Variants in RDX observed in about 807,000 individuals in gnomAD.
RDX encodes radixin.
RDX carries 32 observed loss-of-function variants against 83.7 expected under a neutral mutation model. The ratio of observed to expected loss-of-function variants is 0.38; its 90% CI spans 0.29 to 0.51. The LOEUF (loss-of-function observed/expected upper bound fraction) is 0.51. RDX is among the 20% of genes least tolerant of loss of function. RDX has a pLI of 0.87. For missense variants in RDX, 600 were observed against 689.9 expected, an observed-to-expected ratio of 0.87 and a Z score of 1.46; for synonymous variants, 229 against 222.7, an observed-to-expected ratio of 1.03 and a Z score of -0.25.
At chr11:110,222,813 G>A (rs1864297417) in intron 14 of RDX, among the ~76,000 whole-genome samples, 1 of 151,688 alleles carries the variant, frequency 6.6e-6, no homozygotes, top group East Asian at 1.9e-4. Context: ...ATAAATGAAT[G>A]AATGAATGAA....
intron 1 of RDX, among the ~76,000 whole-genome samples, chr11:110,289,261 AC>A (rs1244930913): frequency 4.0e-5 from 6 of 150,578 alleles, no homozygotes; most frequent in Non-Finnish European, 7.4e-5. Context: ...AAAAAAAAAA[AC>A]TTTTTACAAC....
intron 1 of RDX, among the ~76,000 whole-genome samples, chr11:110,290,841 C>T (rs1246344055): frequency 6.8e-6 from 1 of 147,728 alleles, no homozygotes; most frequent in Non-Finnish European, 1.5e-5. Context: ...TTTATAAAAA[C>T]AGGCAGTAGG....
chr11:110,208,619 G>A (rs1432896966), intron 14 of RDX, among the ~76,000 whole-genome samples: 1 of 152,108 alleles, frequency 6.6e-6, no homozygotes, highest in African/African-American at 2.4e-5. Flanking sequence ...TATTTCTTGA[G>A]CACAGACTCT....
At chr11:110,290,884 G>C (rs761112161) in intron 1 of RDX, among the ~76,000 whole-genome samples, 1 of 152,182 alleles carries the variant, frequency 6.6e-6, no homozygotes, top group Non-Finnish European at 1.5e-5. Context: ...AATTTGCCAA[G>C]TATTTTAACA....
intron 15 of RDX, among the ~76,000 whole-genome samples, chr11:110,180,986 G>C (rs1048714830): frequency 6.6e-6 from 1 of 152,014 alleles, no homozygotes; most frequent in African/African-American, 2.4e-5. Context: ...ATGAAGGCAG[G>C]GCCTTGGTTG....
chr11:110,255,498 T>C (rs1366924839), intron 7 of RDX, 113 bp from the exon 8 acceptor site: 1 of 676,502 alleles, frequency 1.5e-6, no homozygotes, highest in Non-Finnish European at 2.7e-6. Context: ...ATTTTCAAAA[T>C]GTATTAACTT....
rs572431088 is a variant in RDX, at chr11:110,279,768, A to G, written c.-64-12T>C. On this transcript the variant is annotated splice_polypyrimidine_tract_variant and intron_variant, in intron 1 of 13. Coordinates refer to ENST00000645495, the MANE Select transcript of RDX (RefSeq NM_002906.4). ...TCTGTTATCACTTTCTGTTAAAAAA[A>G]AAAAAGCATAATCTATTATCTTTTT... The G allele has an allele frequency of 1.1e-6, 1 of 880,988 alleles. No homozygotes were observed. Among genetic ancestry groups the G allele is most frequent in the South Asian group, 1.5e-5 (1 of 68,160 alleles). 54.6% of individuals were successfully genotyped at this position (880,988 alleles called of 1,614,324 possible). A position where few individuals can be genotyped will look rare whatever the true frequency, so the allele number is the denominator to read the frequency against.
intron 15 of RDX, among the ~76,000 whole-genome samples, chr11:110,198,597 C>T (rs775907461): frequency 2.0e-5 from 3 of 152,096 alleles, no homozygotes; most frequent in Non-Finnish European, 4.4e-5. Flanking sequence ...ATTGTGCATG[C>T]GAGGGTTCCA....
chr11:110,247,433 A>G (rs776312199), intron 10 of RDX, among the ~76,000 whole-genome samples: 4 of 152,204 alleles, frequency 2.6e-5, no homozygotes, highest in Admixed American at 1.3e-4. Flanking sequence ...CAATTATTTA[A>G]GAATACATAT....
chr11:110,222,297 C>A (rs539111226), intron 14 of RDX, among the ~76,000 whole-genome samples: 1 of 152,136 alleles, frequency 6.6e-6, no homozygotes, highest in Admixed American at 6.5e-5. Context: ...TGTAAAGATG[C>A]AAACCTACTT....
At chr11:110,252,667 TAA>T (rs369931677) in intron 9 of RDX, among the ~76,000 whole-genome samples, 112 of 152,264 alleles carry the variant, frequency 7.4e-4, no homozygotes, top group Middle Eastern at 3.4e-3. Flanking sequence ...TAAAGCCCAA[TAA>T]AGAGTATTTT....
chr11:110,261,968 CACTGAAAGATCAA>C (rs1156916098), intron 5 of RDX, among the ~76,000 whole-genome samples: 1 of 152,068 alleles, frequency 6.6e-6, no homozygotes, highest in African/African-American at 2.4e-5. Flanking sequence ...TCTGGCTTAA[CACTGAAAGATCAA>C]TGCTGTACTT....
At chr11:110,209,135 C>T (rs1316686225) in intron 14 of RDX, among the ~76,000 whole-genome samples, 14 of 152,156 alleles carry the variant, frequency 9.2e-5, no homozygotes, top group Non-Finnish European at 1.8e-4. Context: ...ATGCGCGCAC[C>T]GTGCGCGAGC....
At chr11:110,221,601 A>AACACAC (rs60766252) in intron 14 of RDX, among the ~76,000 whole-genome samples, 16,150 of 133,372 alleles carry the variant, frequency 0.12, 1,121 homozygotes, top group African/African-American at 0.18. Flanking sequence ...CTGTCTCCAA[A>AACACAC]ACACACACAC....
chr11:110,255,814 T>TA lies in RDX; in HGVS notation c.699-430dup, dbSNP rs570194467. Among the ~76,000 whole-genome samples, 1,159 of 152,108 alleles carry TA rather than the reference T, an allele frequency of 7.6e-3. 10 individuals carry two copies. Among genetic ancestry groups the TA allele is most frequent in the Admixed American group, 0.011 (173 of 15,258 alleles). ...TGAATTACGGGCAAGTTACTGCAAA[T>TA]AAAAAAACAGTACTTCCTTCCTGTG... is the stretch of plus-strand genomic sequence containing the variant. On this transcript the variant is annotated intron_variant, in intron 7 of 13. Transcript: ENST00000645495.
downstream of RDX, among the ~76,000 whole-genome samples, chr11:110,228,669 C>T (rs770713241): frequency 2.6e-5 from 4 of 151,678 alleles, no homozygotes; most frequent in South Asian, 2.1e-4. Flanking sequence ...ATAATCAACA[C>T]GGTGATCAAT....
At chr11:110,257,608 G>A (rs1859595912) in intron 7 of RDX, among the ~76,000 whole-genome samples, 159 bp downstream of exon 7, 1 of 152,088 alleles carries the variant, frequency 6.6e-6, no homozygotes, top group Non-Finnish European at 1.5e-5. Flanking sequence ...GAAAATGGAG[G>A]TAAAATATCT....
intron 3 of RDX, among the ~76,000 whole-genome samples, chr11:110,266,265 GGAGCTTGCAGTGAGCC>G (rs1392274188): frequency 1.3e-5 from 2 of 151,848 alleles, no homozygotes; most frequent in East Asian, 3.9e-4. Flanking sequence ...CCCGGGAAGC[GGAGCTTGCAGTGAGCC>G]GAGATCGTGC....
chr11:110,246,563 T>C (rs1041076779), intron 10 of RDX, among the ~76,000 whole-genome samples: 5 of 152,086 alleles, frequency 3.3e-5, no homozygotes, highest in African/African-American at 1.2e-4. Context: ...TCACTTGAAG[T>C]CAGGAGGTCA....
Sources: gnomAD v4.1 joint callset for allele counts (sites outside exome capture counted in the v4.1 genomes callset) on GRCh38, gnomAD v4.1.1 for gene constraint, MANE v1.5 for transcripts, NCBI Gene and HGNC (gene_info 2026-07-23, HGNC 2026-07-21) for gene names.